SLC35D1: variants seen among roughly 807,000 people sequenced by gnomAD.
SLC35D1 encodes the protein solute carrier family 35 member D1, also known as nucleotide sugar transporter SLC35D1.
In SLC35D1, 31 loss-of-function variants were observed where a neutral mutation model predicts 46.7. The ratio of observed to expected loss-of-function variants is 0.66; its 90% CI spans 0.50 to 0.90. The LOEUF (loss-of-function observed/expected upper bound fraction) is 0.90. SLC35D1 is among the 40% of genes least tolerant of loss of function. The probability of loss-of-function intolerance (pLI) is 0.00; values close to 1 mark genes in which losing one functional copy is unlikely to be tolerated. For synonymous variants in SLC35D1, 195 were observed against 164.6 expected, an observed-to-expected ratio of 1.18 and a Z score of -1.41; for missense variants, 397 against 426.2, an observed-to-expected ratio of 0.93 and a Z score of 0.60.
At chr1:67,031,998 G>C (rs1668026418) in intron 8 of SLC35D1, 1 of 922,966 alleles carries the variant, frequency 1.1e-6, no homozygotes, top group South Asian at 5.0e-5. Context: ...CTCTGATAAA[G>C]AGCCATTGTG....
At chr1:67,011,193 A>C (rs1358371745) in intron 10 of SLC35D1, among the ~76,000 whole-genome samples, 1 of 152,184 alleles carries the variant, frequency 6.6e-6, no homozygotes, top group Non-Finnish European at 1.5e-5. Flanking sequence ...GTCACTCTGC[A>C]ATATTCTCCA....
At chr1:67,012,892 T>C (rs1474708374) in intron 10 of SLC35D1, among the ~76,000 whole-genome samples, 1 of 152,024 alleles carries the variant, frequency 6.6e-6, no homozygotes, top group East Asian at 1.9e-4. Flanking sequence ...CTTTTTGGGG[T>C]ACCCATTCAC....
downstream of SLC35D1, among the ~76,000 whole-genome samples, chr1:66,996,687 C>T (rs1259334357): frequency 2.6e-5 from 4 of 152,164 alleles, no homozygotes; most frequent in Non-Finnish European, 5.9e-5. Flanking sequence ...AATGCTGACC[C>T]ACTGTGGGTA....
intron 8 of SLC35D1, among the ~76,000 whole-genome samples, chr1:67,028,415 A>C (rs1021461878): frequency 1.3e-5 from 2 of 152,184 alleles, no homozygotes; most frequent in Non-Finnish European, 2.9e-5. Flanking sequence ...CTGTTTTATC[A>C]ATTACTGAGT....
At chr1:67,044,098 G>C (rs1645224487) in intron 7 of SLC35D1, among the ~76,000 whole-genome samples, 1 of 152,190 alleles carries the variant, frequency 6.6e-6, no homozygotes, top group Non-Finnish European at 1.5e-5. Context: ...CATTTGGGGA[G>C]GCCAAGACAG....
intron 8 of SLC35D1, chr1:67,031,920 T>C (rs1402298364): frequency 3.0e-6 from 1 of 337,762 alleles, no homozygotes; most frequent in Non-Finnish European, 4.2e-6. Flanking sequence ...ATGGTGAACA[T>C]ACATTTTGTT....
intron 7 of SLC35D1, among the ~76,000 whole-genome samples, chr1:67,044,332 G>GAA (rs11305986): frequency 9.7e-5 from 1 of 10,340 alleles, no homozygotes; most frequent in Non-Finnish European, 1.7e-4. Flanking sequence ...GACTCCATCT[G>GAA]AAAAAAAAAA....
chr1:67,051,746 G>A (rs1645311291), intron 4 of SLC35D1, among the ~76,000 whole-genome samples: 1 of 151,996 alleles, frequency 6.6e-6, no homozygotes, highest in South Asian at 2.1e-4. Flanking sequence ...TCCTATCATA[G>A]CATTTTATAA....
chr1:66,986,483 G>T, the SLC35D1 span: 1 of 1,586,714 alleles, frequency 6.3e-7, no homozygotes, highest in Non-Finnish European at 8.6e-7. Flanking sequence ...AAGCTTCTGT[G>T]GTCTTGTTTT....
chr1:66,985,287 A>T, the SLC35D1 span: 5 of 984,544 alleles, frequency 5.1e-6, no homozygotes, highest in Non-Finnish European at 6.0e-6. Flanking sequence ...AGTTTGATGG[A>T]TGAATGGGAA....
intron 11 of SLC35D1, 147 bp from the exon 12 acceptor site, chr1:67,004,595 C>A: frequency 1.5e-6 from 1 of 684,222 alleles, no homozygotes. Context: ...TACTATGCAT[C>A]CATTAAAATG....
intron 4 of SLC35D1, 87 bp from the exon 5 acceptor site, chr1:67,050,591 C>T (rs1406918717): frequency 9.8e-7 from 1 of 1,023,360 alleles, no homozygotes. Flanking sequence ...TAAAATAATG[C>T]TATTCTTCCA....
the SLC35D1 span, chr1:66,985,873 T>C: frequency 1.1e-5 from 10 of 915,600 alleles, no homozygotes; most frequent in Non-Finnish European, 1.2e-5. Context: ...TTGAGAATTC[T>C]GAAATTAAGC....
chr1:67,008,109 C>T (rs1267228662), intron 11 of SLC35D1, among the ~76,000 whole-genome samples: 1 of 152,130 alleles, frequency 6.6e-6, no homozygotes, highest in Non-Finnish European at 1.5e-5. Flanking sequence ...AGCAATTTTC[C>T]ATCTGTCTAA....
At chr1:66,981,798 C>T in the SLC35D1 span, 2 of 1,613,622 alleles carry the variant, frequency 1.2e-6, no homozygotes, top group Non-Finnish European at 1.7e-6. Flanking sequence ...GGATCGTCTT[C>T]TAGACGAAAG....
intron 8 of SLC35D1, among the ~76,000 whole-genome samples, chr1:67,026,560 C>G (rs975407356): frequency 1.3e-5 from 2 of 152,036 alleles, no homozygotes; most frequent in African/African-American, 4.8e-5. Context: ...GTCAAATTCT[C>G]CAGTGAAGCA....
intron 11 of SLC35D1, among the ~76,000 whole-genome samples, chr1:67,005,906 C>A (rs1173863747): frequency 6.6e-6 from 1 of 152,180 alleles, no homozygotes; most frequent in Non-Finnish European, 1.5e-5. Flanking sequence ...TTGCAATTGG[C>A]CTGACACTTT....
downstream of SLC35D1, among the ~76,000 whole-genome samples, chr1:66,994,921 G>GAAAAAAAAAAA (rs61387414): frequency 2.1e-5 from 2 of 96,496 alleles, no homozygotes; most frequent in East Asian, 3.6e-4. Context: ...GGCAAAAAAA[G>GAAAAAAAAAAA]AAAAAAAAAA....
chr1:66,997,041 AT>A (rs1667245638), downstream of SLC35D1, among the ~76,000 whole-genome samples: 1 of 152,164 alleles, frequency 6.6e-6, no homozygotes. Context: ...TAAAACTCAC[AT>A]TGGATTTGGC....
Sources: gnomAD v4.1 joint callset for allele counts (sites outside exome capture counted in the v4.1 genomes callset) on GRCh38, gnomAD v4.1.1 for gene constraint, MANE v1.5 for transcripts, NCBI Gene and HGNC (gene_info 2026-07-23, HGNC 2026-07-21) for gene names.